The following WWOX variants were observed in gnomAD, a reference collection of about 807,000 sequenced individuals.
WWOX encodes WW domain containing oxidoreductase.
Under a neutral mutation model 46.2 loss-of-function variants are expected in WWOX, and 69 were observed. The observed-to-expected ratio is 1.49, with a 90% CI of 1.23 to 1.82. WWOX has a LOEUF of 1.82. Among genes scored for constraint, WWOX ranks in the 40% most tolerant of loss-of-function variants. The pLI is 0.00. For synonymous variants in WWOX, 359 were observed against 202.6 expected (o/e 1.77, Z -6.56); for missense variants, 919 against 542.6 (o/e 1.69, Z -6.89).
At chr16:78,755,069 G>A (rs769107701) in intron 8 of WWOX, among the ~76,000 whole-genome samples, 1 of 151,676 alleles carries the variant, frequency 6.6e-6, no homozygotes, top group East Asian at 1.9e-4. Flanking sequence ...GAAAGGGGAG[G>A]GAGAGCATTA....
intron 8 of WWOX, among the ~76,000 whole-genome samples, chr16:78,943,428 T>C (rs1035162114): frequency 2.6e-5 from 4 of 151,524 alleles, no homozygotes; most frequent in African/African-American, 9.8e-5. Context: ...CATCCAGACC[T>C]GGAGAACTCC....
rs951304740 is a variant in WWOX at position 79,032,513 on chromosome 16, A to AAT, written c.1057-179087_1057-179086dup. 2.7e-5 allele frequency among the ~76,000 whole-genome samples: 4 copies of AAT among 148,240 alleles called. No homozygotes were observed. In the East Asian group the frequency reaches 5.8e-4, roughly 22 times the overall value. On this transcript the variant is annotated intron_variant, in intron 8 of 8. Transcript: ENST00000566780. ...TAATAGACTATACACATATACAGCT[A>AAT]ATATATATACACAATAGTCTAGTAT...
chr16:78,840,474 A>T (rs2052108781), intron 8 of WWOX, among the ~76,000 whole-genome samples: 1 of 152,148 alleles, frequency 6.6e-6, no homozygotes, highest in African/African-American at 2.4e-5. Flanking sequence ...GCATGGCATG[A>T]TCCCACTACT....
intron 5 of WWOX, among the ~76,000 whole-genome samples, chr16:78,320,729 T>C (rs1006921536): frequency 6.6e-6 from 1 of 152,208 alleles, no homozygotes; most frequent in Non-Finnish European, 1.5e-5. Context: ...CTCTTGGTTA[T>C]TGACAAATGA....
intron 8 of WWOX, among the ~76,000 whole-genome samples, chr16:79,091,380 G>A (rs938517560): frequency 2.6e-5 from 4 of 151,534 alleles, no homozygotes; most frequent in Non-Finnish European, 5.9e-5. Flanking sequence ...CACTGCTTTC[G>A]TGAGCACAGA....
At chr16:79,000,324 T>C (rs1455982708) in intron 8 of WWOX, among the ~76,000 whole-genome samples, 5 of 152,166 alleles carry the variant, frequency 3.3e-5, no homozygotes, top group African/African-American at 4.8e-5. Flanking sequence ...CTACTCCTAA[T>C]TCCATGGAAC....
intron 8 of WWOX, among the ~76,000 whole-genome samples, chr16:79,196,813 G>A (rs1161925413): frequency 6.6e-6 from 1 of 152,126 alleles, no homozygotes; most frequent in African/African-American, 2.4e-5. Flanking sequence ...GAGCTCAAAG[G>A]GAGCACAATT....
chr16:78,326,490 T>G (rs913599228), intron 5 of WWOX, among the ~76,000 whole-genome samples: 2 of 145,810 alleles, frequency 1.4e-5, no homozygotes, highest in Non-Finnish European at 3.0e-5. Flanking sequence ...ATGTAAATAC[T>G]AAAATGCCAG....
At chr16:78,958,793 G>A (rs1285580352) in intron 8 of WWOX, among the ~76,000 whole-genome samples, 1 of 152,196 alleles carries the variant, frequency 6.6e-6, no homozygotes, top group African/African-American at 2.4e-5. Context: ...CTGAAAATAG[G>A]ACATGGTTGG....
chr16:78,956,084 C>G (rs1001800710), intron 8 of WWOX, among the ~76,000 whole-genome samples: 1 of 152,120 alleles, frequency 6.6e-6, no homozygotes, highest in African/African-American at 2.4e-5. Flanking sequence ...CCGTATACCT[C>G]CGGCAGAGCC....
chr16:78,240,092 G>A (rs1040640727), intron 5 of WWOX, among the ~76,000 whole-genome samples: 1 of 152,060 alleles, frequency 6.6e-6, no homozygotes, highest in Admixed American at 6.6e-5. Context: ...ATGGAAACAG[G>A]GTCTTTGCAG....
chr16:78,514,105 G>A (rs574292211), intron 8 of WWOX, among the ~76,000 whole-genome samples: 4 of 152,158 alleles, frequency 2.6e-5, no homozygotes, highest in Non-Finnish European at 5.9e-5. Flanking sequence ...CATAAATACT[G>A]CTCAAGCATT....
At chr16:78,808,922 A>G (rs1349000096) in intron 8 of WWOX, among the ~76,000 whole-genome samples, 1 of 152,176 alleles carries the variant, frequency 6.6e-6, no homozygotes, top group Admixed American at 6.5e-5. Flanking sequence ...GCCATTTGCC[A>G]ATGCTGCTAT....
At chr16:78,936,996 A>G (rs1597175480) in intron 8 of WWOX, among the ~76,000 whole-genome samples, 1 of 152,336 alleles carries the variant, frequency 6.6e-6, no homozygotes, top group Non-Finnish European at 1.5e-5. Context: ...ATTTGGGAAT[A>G]CGGTCATATA....
intron 5 of WWOX, among the ~76,000 whole-genome samples, chr16:78,233,960 G>T (rs752360693): frequency 2.6e-5 from 4 of 152,126 alleles, no homozygotes; most frequent in Non-Finnish European, 5.9e-5. Flanking sequence ...GGCCCCAGAG[G>T]CATCAGGGTA....
At chr16:79,185,769 A>T (rs1360211111) in intron 8 of WWOX, among the ~76,000 whole-genome samples, 1 of 152,176 alleles carries the variant, frequency 6.6e-6, no homozygotes, top group African/African-American at 2.4e-5. Flanking sequence ...GAGAGTGAGG[A>T]TAAACGAGAG....
intron 8 of WWOX, among the ~76,000 whole-genome samples, chr16:79,069,170 T>C (rs1245848568): frequency 6.6e-6 from 1 of 152,172 alleles, no homozygotes. Flanking sequence ...CGAAGGTAAA[T>C]GCACCTGGGT....
In WWOX at chr16:78,099,691, G is replaced by C; in HGVS notation, c.-88G>C. ...CGTGAGCGGTCGGGCCCCGACGCGC[G>C]CGGGTCTCGTTTGGAGCGGGAGTGA... On this transcript the variant is annotated 5_prime_UTR_variant, in exon 1 of 9. Transcript: ENST00000566780. 4.2e-6 allele frequency: 6 copies of C among 1,439,374 alleles called. No individual in the cohort carries two copies. Among genetic ancestry groups the C allele is most frequent in the Non-Finnish European group, 5.5e-6 (6 of 1,095,048 alleles). The allele number at this position is 1,439,374 out of a possible 1,614,324, so 89.2% of individuals were successfully genotyped here.
intron 5 of WWOX, among the ~76,000 whole-genome samples, chr16:78,314,497 C>T (rs1294212779): frequency 6.7e-6 from 1 of 149,610 alleles, no homozygotes; most frequent in East Asian, 2.0e-4. Context: ...ACCAAGTCCA[C>T]CTCTATCAGG....
Sources: gnomAD v4.1 joint callset for allele counts (sites outside exome capture counted in the v4.1 genomes callset) on GRCh38, gnomAD v4.1.1 for gene constraint, MANE v1.5 for transcripts, NCBI Gene and HGNC (gene_info 2026-07-23, HGNC 2026-07-21) for gene names.